The following GAB2 variants were observed in gnomAD, a reference collection of about 807,000 sequenced individuals.
GAB2 encodes the protein GRB2-associated-binding protein 2.
GAB2 carries 26 observed loss-of-function variants against 65.5 expected under a neutral mutation model. The ratio of observed to expected loss-of-function variants is 0.40; its 90% CI spans 0.29 to 0.55. The LOEUF is 0.55. Ranked by LOEUF, GAB2 falls within the 20% of genes least tolerant of loss-of-function variation. The probability of loss-of-function intolerance (pLI) is 0.53; values close to 1 mark genes in which losing one functional copy is unlikely to be tolerated. For missense variants in GAB2, 884 were observed against 875.8 expected, an observed-to-expected ratio of 1.01 and a Z score of -0.12; for synonymous variants, 321 against 329.6, an observed-to-expected ratio of 0.97 and a Z score of 0.28.
intron 3 of GAB2, among the ~76,000 whole-genome samples, chr11:78,245,002 A>G (rs1398269156): frequency 3.3e-5 from 5 of 152,240 alleles, no homozygotes; most frequent in Non-Finnish European, 7.3e-5. Context: ...TTATTGCATC[A>G]TTAGTCACGA....
At chr11:78,396,778 G>T (rs1856900640) in intron 1 of GAB2, among the ~76,000 whole-genome samples, 1 of 152,074 alleles carries the variant, frequency 6.6e-6, no homozygotes. Flanking sequence ...TGTATTTTTA[G>T]TAGAGATGGG....
At chr11:78,316,291 T>G (rs1855604070) in intron 1 of GAB2, among the ~76,000 whole-genome samples, 2 of 152,164 alleles carry the variant, frequency 1.3e-5, no homozygotes, top group South Asian at 4.1e-4. Context: ...TATAACTGTG[T>G]GAGCCAATTC....
chr11:78,323,285 C>G (rs376188775), intron 1 of GAB2, among the ~76,000 whole-genome samples: 6 of 151,946 alleles, frequency 3.9e-5, no homozygotes, highest in African/African-American at 9.7e-5. Context: ...TGAGACGGGA[C>G]GATCACCTGA....
At chr11:78,223,079 C>A (rs1864507973) in intron 6 of GAB2, among the ~76,000 whole-genome samples, 1 of 152,190 alleles carries the variant, frequency 6.6e-6, no homozygotes, top group Non-Finnish European at 1.5e-5. Context: ...CTATCCTACT[C>A]CTCCCTTTGA....
chr11:78,402,702 C>T (rs544025679), intron 1 of GAB2, among the ~76,000 whole-genome samples: 11 of 152,172 alleles, frequency 7.2e-5, no homozygotes, highest in African/African-American at 1.7e-4. Flanking sequence ...CTGCCCGCCT[C>T]GGCCACCCAA....
chr11:78,371,967 C>T (rs927940236), intron 1 of GAB2, among the ~76,000 whole-genome samples: 5 of 152,034 alleles, frequency 3.3e-5, no homozygotes, highest in Non-Finnish European at 7.4e-5. Flanking sequence ...CAAAATCATA[C>T]TATATTTTGT....
chr11:78,278,272 G>T (rs1436374412), intron 2 of GAB2, among the ~76,000 whole-genome samples: 1 of 152,000 alleles, frequency 6.6e-6, no homozygotes. Flanking sequence ...GTTTCGCCAT[G>T]TTGGCCAGGC....
chr11:78,361,997 C>A (rs575506902), intron 1 of GAB2, among the ~76,000 whole-genome samples: 2 of 151,842 alleles, frequency 1.3e-5, no homozygotes, highest in South Asian at 4.1e-4. Context: ...TGATGTACTA[C>A]CACTCAGCTG....
At chr11:78,227,448 C>G (rs1203555517) in intron 3 of GAB2, among the ~76,000 whole-genome samples, 6 of 152,120 alleles carry the variant, frequency 3.9e-5, no homozygotes, top group African/African-American at 1.4e-4. Flanking sequence ...TGAGTCTATT[C>G]TGCCACTGTG....
intron 2 of GAB2, among the ~76,000 whole-genome samples, chr11:78,271,356 C>A (rs1866004752): frequency 1.3e-5 from 2 of 152,188 alleles, no homozygotes; most frequent in African/African-American, 4.8e-5. Context: ...AAAAATAAAT[C>A]CCACATATAT....
At chr11:78,255,357 C>A (rs927641473) in intron 2 of GAB2, among the ~76,000 whole-genome samples, 1 of 152,146 alleles carries the variant, frequency 6.6e-6, no homozygotes, top group Non-Finnish European at 1.5e-5. Context: ...AATCTACTCA[C>A]TTTGTGGTAA....
chr11:78,243,164 GAA>G (rs937159611), intron 3 of GAB2, among the ~76,000 whole-genome samples: 1 of 135,156 alleles, frequency 7.4e-6, no homozygotes, highest in Non-Finnish European at 1.6e-5. Flanking sequence ...ACTCTGTCTA[GAA>G]AAAAAAAAAG....
chr11:78,265,140 ATGT>A (rs1865841073), intron 2 of GAB2, among the ~76,000 whole-genome samples: 1 of 151,320 alleles, frequency 6.6e-6, no homozygotes, highest in Non-Finnish European at 1.5e-5. Context: ...AAAGTCATTA[ATGT>A]TGTGGGTTCA....
chr11:78,278,952 G>A lies in GAB2; in HGVS notation c.376+1649C>T, dbSNP rs562220247. Among the ~76,000 whole-genome samples the A allele has an allele frequency of 1.3e-4, 20 of 151,730 alleles. No homozygotes were observed. The South Asian group carries it at 3.5e-3, about 27-fold the overall frequency. On this transcript the variant is annotated intron_variant, in intron 2 of 9. Coordinates refer to ENST00000361507, the MANE Select transcript of GAB2 (RefSeq NM_080491.3). ...GATTGTGTCACTGCACTCTAGTCTC[G>A]CTATGCTGCCCCAGCTGGGGCCCCT...
Position 78,250,358 on chromosome 11 carries a change from G to A in GAB2, c.419C>T (p.Ser140Phe), listed in dbSNP as rs767427723. ...NVSSAGHGPR[S>F]SPAELSSSSQ... ...AGAGCTGCTGAGCTCAGCTGGAGAA[G>A]AGCGGGGGCCATGACCGGCTGAGGA... The change falls in exon 3 of 10, where the codon TCT (serine) becomes TTT (phenylalanine). Residue 140 changes from serine (S) to phenylalanine (F), a missense_variant. By Grantham distance (155) the Ser-to-Phe change is radical. Coordinates refer to ENST00000361507, the MANE Select transcript of GAB2 (RefSeq NM_080491.3). 3.1e-5 allele frequency: 50 copies of A among 1,613,336 alleles called. No homozygotes were observed. Among genetic ancestry groups the A allele is most frequent in the Non-Finnish European group, 4.0e-5 (47 of 1,179,642 alleles).
At chr11:78,294,552 T>C (rs1032691421) in intron 1 of GAB2, among the ~76,000 whole-genome samples, 4 of 152,190 alleles carry the variant, frequency 2.6e-5, no homozygotes, top group Non-Finnish European at 5.9e-5. Context: ...AGTGTTCCCA[T>C]TTCTCCACAT....
intron 2 of GAB2, among the ~76,000 whole-genome samples, chr11:78,277,643 C>T (rs145557295): frequency 1.1e-3 from 168 of 152,354 alleles, no homozygotes; most frequent in African/African-American, 3.1e-3. Context: ...GGCATGTGTA[C>T]AGCTTTAGTA....
At position 78,226,481 on chromosome 11, in the gene GAB2, G is replaced by T; in HGVS notation, c.1191C>A (p.Asn397Lys). The T allele has an allele frequency of 6.2e-7, 1 of 1,613,424 alleles. No homozygotes were observed. Among genetic ancestry groups the T allele is most frequent in the Non-Finnish European group, 8.5e-7 (1 of 1,179,350 alleles). ...TATACTGACCTCGGTGAAGTCGGCT[G>T]TTGTCCATTGCAGGGAGGGTGTTGC... ...PRRNTLPAMD[N>K]SRLHRASSCE... The change falls in exon 4 of 10, where the codon AAC becomes AAA. Residue 397 changes from asparagine (N) to lysine (K), a missense_variant. Transcript: ENST00000361507.
chr11:78,415,051 T>C (rs1484865441), intron 1 of GAB2, among the ~76,000 whole-genome samples: 1 of 152,162 alleles, frequency 6.6e-6, no homozygotes, highest in Non-Finnish European at 1.5e-5. Flanking sequence ...TTTATATTTA[T>C]GGTAGAGACG....
Sources: allele counts gnomAD v4.1 joint callset (sites outside exome capture counted in the v4.1 genomes callset), GRCh38; gene constraint gnomAD v4.1.1; transcripts MANE v1.5; gene names NCBI Gene and HGNC (gene_info 2026-07-23, HGNC 2026-07-21).